Variants in PTER observed in about 807,000 individuals in gnomAD.
The protein encoded by PTER is phosphotriesterase related.
PTER carries 38 observed loss-of-function variants against 29.6 expected under a neutral mutation model. The observed-to-expected ratio is 1.28, with a 90% CI of 0.99 to 1.68. The LOEUF (loss-of-function observed/expected upper bound fraction) is 1.68. Among genes scored for constraint, PTER ranks in the 40% most tolerant of loss-of-function variants. The pLI is 0.00. For synonymous variants in PTER, 172 were observed against 154.5 expected, an observed-to-expected ratio of 1.11 and a Z score of -0.84; for missense variants, 482 against 427.8, an observed-to-expected ratio of 1.13 and a Z score of -1.12.
At chr10:16,495,462 G>A (rs1001733743) in intron 3 of PTER, among the ~76,000 whole-genome samples, 5 of 152,248 alleles carry the variant, frequency 3.3e-5, no homozygotes, top group Admixed American at 1.3e-4. Context: ...GAGCCACCAT[G>A]CCCAACCTTC....
intron 3 of PTER, among the ~76,000 whole-genome samples, chr10:16,499,947 C>T (rs183647773): frequency 1.3e-5 from 2 of 151,672 alleles, no homozygotes; most frequent in South Asian, 2.1e-4. Flanking sequence ...CTCTGTGTTT[C>T]GTCTCAAACT....
Position 16,456,862 on chromosome 10 carries a change from T to TGTG in PTER, c.-49+19816_-49+19817insTGG, listed in dbSNP as rs1554787511. 7.2e-4 allele frequency among the ~76,000 whole-genome samples: 82 copies of TGTG among 113,662 alleles called. 3 individuals carry two copies. The highest frequency in any genetic ancestry group is 2.3e-3 in the African/African-American group (72 of 30,786). 74.6% of individuals were successfully genotyped at this position (113,662 alleles called of 152,430 possible). A position where few individuals can be genotyped will look rare whatever the true frequency, so the allele number is the denominator to read the frequency against. ...GGAGGTAACTGAACCATGGGGAAGG[T>TGTG]GGGGGGGGGTTCCGCCATGCTGTTC... On this transcript the variant is annotated intron_variant, in intron 1 of 4. Transcript: ENST00000535784.
At chr10:16,480,193 A>ATTTTT (rs60746148) in intron 1 of PTER, among the ~76,000 whole-genome samples, 5 of 137,040 alleles carry the variant, frequency 3.6e-5, no homozygotes, top group Middle Eastern at 3.7e-3. Context: ...TGACTATAGC[A>ATTTTT]TTTTTTTTTT....
intron 1 of PTER, among the ~76,000 whole-genome samples, chr10:16,438,385 T>G (rs750738506): frequency 5.3e-5 from 8 of 151,826 alleles, no homozygotes; most frequent in Admixed American, 2.0e-4. Context: ...CAACCTTCAC[T>G]TCCCCCGTTC....
At chr10:16,469,303 A>G (rs1439795292) in intron 1 of PTER, among the ~76,000 whole-genome samples, 1 of 152,156 alleles carries the variant, frequency 6.6e-6, no homozygotes, top group Non-Finnish European at 1.5e-5. Flanking sequence ...TTCATAGGGT[A>G]CTATCAGGCT....
At chr10:16,439,261 G>C (rs1588576253) in intron 1 of PTER, among the ~76,000 whole-genome samples, 1 of 152,060 alleles carries the variant, frequency 6.6e-6, no homozygotes, top group African/African-American at 2.4e-5. Context: ...GAGGGACTTA[G>C]GGAAAGATCA....
chr10:16,510,287 G>A (rs1039909049), intron 4 of PTER, among the ~76,000 whole-genome samples: 2 of 152,154 alleles, frequency 1.3e-5, no homozygotes, highest in African/African-American at 4.8e-5. Flanking sequence ...CATTTTTAGA[G>A]AATAGTCAGG....
intron 1 of PTER, among the ~76,000 whole-genome samples, chr10:16,477,451 A>G (rs958546806): frequency 3.9e-5 from 6 of 152,196 alleles, no homozygotes; most frequent in Non-Finnish European, 7.4e-5. Flanking sequence ...TGCTGGGACT[A>G]CAGGCGTGAG....
intron 3 of PTER, among the ~76,000 whole-genome samples, chr10:16,502,416 T>C (rs886547015): frequency 5.9e-5 from 9 of 152,198 alleles, no homozygotes; most frequent in Admixed American, 5.9e-4. Context: ...AAAGATGGTC[T>C]CCATGGTAAG....
chr10:16,465,646 C>G (rs946939886), intron 1 of PTER, among the ~76,000 whole-genome samples: 3 of 152,136 alleles, frequency 2.0e-5, no homozygotes, highest in Non-Finnish European at 4.4e-5. Flanking sequence ...AATATTTGCT[C>G]ATTGGTTGAG....
chr10:16,479,940 C>A (rs140029559), intron 1 of PTER, among the ~76,000 whole-genome samples: 1,708 of 151,078 alleles, frequency 0.011, 28 homozygotes, highest in African/African-American at 0.04. Flanking sequence ...TCAGAGCCAC[C>A]AAACTATTAG....
intron 1 of PTER, among the ~76,000 whole-genome samples, chr10:16,458,871 C>A (rs1415138821): frequency 2.6e-5 from 4 of 152,104 alleles, no homozygotes; most frequent in Non-Finnish European, 5.9e-5. Flanking sequence ...CTTTTTGTTT[C>A]ATTTTTGAAG....
downstream of PTER, among the ~76,000 whole-genome samples, chr10:16,517,587 G>C (rs7914371): frequency 0.085 from 12,890 of 152,180 alleles, 627 homozygotes; most frequent in East Asian, 0.23. Flanking sequence ...AGCTATTTGA[G>C]TTGAACTTTT....
At chr10:16,458,808 C>T (rs1054849900) in intron 1 of PTER, among the ~76,000 whole-genome samples, 5 of 152,114 alleles carry the variant, frequency 3.3e-5, no homozygotes, top group African/African-American at 1.2e-4. Context: ...TACCAAGACA[C>T]AAGAAGCGTG....
At chr10:16,488,586 A>AAT (rs34128884) in intron 3 of PTER, among the ~76,000 whole-genome samples, 50,303 of 145,646 alleles carry the variant, frequency 0.35, 8,647 homozygotes, top group Middle Eastern at 0.55. Context: ...TACTAATTTA[A>AAT]ATATATATAT....
chr10:16,479,954 G>T (rs1835416197), intron 1 of PTER, among the ~76,000 whole-genome samples: 1 of 149,968 alleles, frequency 6.7e-6, no homozygotes, highest in Non-Finnish European at 1.5e-5. Context: ...CTATTAGGTT[G>T]GTGCAAAAAT....
intron 1 of PTER, among the ~76,000 whole-genome samples, chr10:16,462,922 G>T (rs1834671795): frequency 6.6e-6 from 1 of 151,672 alleles, no homozygotes; most frequent in African/African-American, 2.4e-5. Flanking sequence ...TGCCGGGCGT[G>T]GTGAGTCACG....
intron 1 of PTER, among the ~76,000 whole-genome samples, chr10:16,444,764 G>A (rs1051429835): frequency 2.0e-5 from 3 of 152,124 alleles, no homozygotes; most frequent in Non-Finnish European, 4.4e-5. Flanking sequence ...GACATTATCT[G>A]TCCATATCTA....
At chr10:16,457,141 G>A (rs1305300965) in intron 1 of PTER, among the ~76,000 whole-genome samples, 1 of 152,140 alleles carries the variant, frequency 6.6e-6, no homozygotes, top group East Asian at 1.9e-4. Flanking sequence ...AGTTACATGC[G>A]CTTCATTTCT....
Sources: allele counts gnomAD v4.1 joint callset (sites outside exome capture counted in the v4.1 genomes callset), GRCh38; gene constraint gnomAD v4.1.1; transcripts MANE v1.5; gene names NCBI Gene and HGNC (gene_info 2026-07-23, HGNC 2026-07-21).